PARP16: variants seen among roughly 807,000 people sequenced by gnomAD.
PARP16 encodes poly(ADP-ribose) polymerase family member 16.
Under a neutral mutation model 35.0 loss-of-function variants are expected in PARP16, and 31 were observed. The ratio of observed to expected loss-of-function variants is 0.88; its 90% CI spans 0.66 to 1.19. The LOEUF (loss-of-function observed/expected upper bound fraction) is 1.19. PARP16 is among the 50% of genes most tolerant of loss of function. The pLI is 0.00. For missense variants in PARP16, 424 were observed against 411.2 expected (o/e 1.03, Z -0.27); for synonymous variants, 162 against 169.5 (o/e 0.96, Z 0.34).
chr15:65,256,826 C>A (rs927314750), downstream of PARP16, among the ~76,000 whole-genome samples: 11 of 152,220 alleles, frequency 7.2e-5, no homozygotes, highest in African/African-American at 2.7e-4. Flanking sequence ...AACTTCAGGT[C>A]TTTGCATGTG....
intron 2 of PARP16, among the ~76,000 whole-genome samples, chr15:65,270,721 T>C (rs968377653): frequency 6.6e-6 from 1 of 152,116 alleles, no homozygotes; most frequent in African/African-American, 2.4e-5. Context: ...ACAGCTGAGA[T>C]GAGACAGAAT....
Position 65,286,360 on chromosome 15 carries a change from G to T in PARP16, c.67C>A (p.Arg23=), listed in dbSNP as rs2090596020. The change falls in exon 1 of 6, where the codon CGG becomes AGG. Residue 23 remains arginine, a synonymous_variant. Coordinates refer to ENST00000649807, the MANE Select transcript of PARP16 (RefSeq NM_001316943.2). The stretch of plus-strand genomic sequence containing the variant: ...AGGGCCGAGGCGAAGAGGCTGCACC[G>T]GAGGTCGGCGGCCAGCATGTCGCGG... The part of the protein sequence containing the change: ...AGRDMLAADL[R]CSLFASALQS... 3.2e-6 allele frequency: 5 copies of T among 1,582,154 alleles called. No homozygotes were observed. The highest frequency in any genetic ancestry group is 4.3e-6 in the Non-Finnish European group (5 of 1,166,656).
chr15:65,283,442 T>A (rs1485600021), intron 1 of PARP16, among the ~76,000 whole-genome samples: 1 of 152,206 alleles, frequency 6.6e-6, no homozygotes, highest in African/African-American at 2.4e-5. Flanking sequence ...AGGGCATGTG[T>A]AGCCTTGCAT....
At chr15:65,269,035 G>C (rs72729102) in intron 2 of PARP16, among the ~76,000 whole-genome samples, 1 of 151,898 alleles carries the variant, frequency 6.6e-6, no homozygotes, top group African/African-American at 2.4e-5. Flanking sequence ...AATTACAGGC[G>C]TGAGCTTGTA....
chr15:65,245,478 T>C (rs1008710531), intron 3 of PARP16, among the ~76,000 whole-genome samples: 1 of 152,208 alleles, frequency 6.6e-6, no homozygotes, highest in Non-Finnish European at 1.5e-5. Context: ...AAGCTGGATA[T>C]GGGACAGTTA....
In PARP16 at chr15:65,235,665, C is replaced by T. The variant is rs999428400; in HGVS notation, c.*98-842G>A. Among the ~76,000 whole-genome samples, 258 of 149,234 alleles carry T rather than the reference C, an allele frequency of 1.7e-3. 1 individual carries two copies. The highest frequency in any genetic ancestry group is 6.2e-3 in the African/African-American group (251 of 40,796). On this transcript the variant is annotated intron_variant and NMD_transcript_variant, in intron 3 of 3. Transcript: ENST00000559805. ...AAAAAAAAAAAAAAAAAAAATTAGCCGGGCATGGTGGTACATGCCTGTAGT... is the reference window on the plus strand; with the variant it reads ...AAAAAAAAAAAAAAAAAAAATTAGCTGGGCATGGTGGTACATGCCTGTAGT...
intron 1 of PARP16, among the ~76,000 whole-genome samples, chr15:65,274,995 A>G (rs11857485): frequency 0.044 from 6,761 of 152,002 alleles, 367 homozygotes; most frequent in African/African-American, 0.13. Context: ...AGGCACCTGA[A>G]TCCCAGCTAC....
downstream of PARP16, among the ~76,000 whole-genome samples, chr15:65,253,431 C>T (rs1405562605): frequency 1.2e-4 from 18 of 150,456 alleles, no homozygotes; most frequent in South Asian, 4.2e-4. Context: ...CCCGGGTTCA[C>T]GCCATTCTCC....
At chr15:65,233,177 G>C (rs894759045), downstream of PARP16, among the ~76,000 whole-genome samples, 3 of 152,176 alleles carry the variant, frequency 2.0e-5, no homozygotes, top group Non-Finnish European at 4.4e-5. Flanking sequence ...ACTTTGGGAG[G>C]CCGAGGTGGG....
intron 3 of PARP16, among the ~76,000 whole-genome samples, chr15:65,265,604 A>T (rs887071546): frequency 3.9e-5 from 6 of 152,180 alleles, no homozygotes; most frequent in Non-Finnish European, 8.8e-5. Flanking sequence ...CATATCCCTC[A>T]GTTTCTCCAA....
chr15:65,259,313 G>T lies in PARP16; in HGVS notation c.*94C>A. ...CCTGTGGTCCCCCAACTGGCCCCTAGGCTCAACCTGGCTGGACATGAGGCA... is the reference window on the plus strand; with the variant it reads ...CCTGTGGTCCCCCAACTGGCCCCTATGCTCAACCTGGCTGGACATGAGGCA... On this transcript the variant is annotated 3_prime_UTR_variant, in exon 6 of 6. Coordinates refer to ENST00000649807, the MANE Select transcript of PARP16 (RefSeq NM_001316943.2). 7.6e-7 allele frequency: 1 copy of T among 1,319,370 alleles called. No individual in the cohort carries two copies. The highest frequency in any genetic ancestry group is 1.1e-6 in the Non-Finnish European group (1 of 929,528). 81.7% of individuals were successfully genotyped at this position (1,319,370 alleles called of 1,614,324 possible).
intron 4 of PARP16, among the ~76,000 whole-genome samples, chr15:65,262,343 G>C (rs1263292316): frequency 6.6e-6 from 1 of 152,090 alleles, no homozygotes; most frequent in African/African-American, 2.4e-5. Context: ...CGTTGGCCAG[G>C]TTGGTCACAA....
chr15:65,250,054 T>A (rs985257707), intron 2 of PARP16, among the ~76,000 whole-genome samples: 7 of 150,476 alleles, frequency 4.7e-5, no homozygotes, highest in African/African-American at 1.7e-4. Context: ...GCCACCAGCC[T>A]AGGTCTTCTT....
At chr15:65,232,189 G>A (rs933139848), downstream of PARP16, among the ~76,000 whole-genome samples, 2 of 152,114 alleles carry the variant, frequency 1.3e-5, no homozygotes, top group African/African-American at 2.4e-5. Context: ...AATTAAGATA[G>A]GCATTTTTCT....
chr15:65,265,824 C>T (rs1425960335), intron 3 of PARP16, among the ~76,000 whole-genome samples: 1 of 152,224 alleles, frequency 6.6e-6, no homozygotes, highest in African/African-American at 2.4e-5. Flanking sequence ...AGTGGGATCA[C>T]CTGGAGAGCT....
rs767221329 is a variant in PARP16, at chr15:65,260,960, T to C, written c.758A>G (p.Lys253Arg). The change falls in exon 5 of 6, where the codon AAG becomes AGG. Residue 253 changes from lysine (K) to arginine (R), a missense_variant. Transcript: ENST00000649807. Reference sequence around the variant, plus strand: ...CTGGTTATTGGTGACCACGAAGTACTTGGGAGGGATGTCTCCCCCTTCACT... The same window carrying C: ...CTGGTTATTGGTGACCACGAAGTACCTGGGAGGGATGTCTCCCCCTTCACT... The part of the protein sequence containing the change: ...KHSEGGDIPP[K>R]YFVVTNNQLL... The C allele has an allele frequency of 1.2e-5, 19 of 1,613,824 alleles. No homozygotes were observed. The highest frequency in any genetic ancestry group is 3.3e-5 in the South Asian group (3 of 91,078).
chr15:65,266,897 T>C (rs981706630), intron 2 of PARP16, 129 bp from the exon 3 acceptor site: 3 of 679,556 alleles, frequency 4.4e-6, no homozygotes, highest in Non-Finnish European at 7.7e-6. Flanking sequence ...TTCATGAGGA[T>C]AGAGACATAA....
chr15:65,273,710 C>T (rs930027019), intron 1 of PARP16, among the ~76,000 whole-genome samples: 1 of 151,918 alleles, frequency 6.6e-6, no homozygotes. Context: ...AACCCCATCT[C>T]TACTAAAGAT....
chr15:65,286,111 A>G lies in PARP16; in HGVS notation c.174+142T>C, dbSNP rs552527238. ...TTCTTAGCTCATGGAAACCTTCCCC[A>G]AGGCAAGGCAAGACCAAGCTGGGAA... On this transcript the variant is annotated intron_variant, in intron 1 of 5. Coordinates refer to ENST00000649807, the MANE Select transcript of PARP16 (RefSeq NM_001316943.2). 2.0e-5 allele frequency: 13 copies of G among 654,244 alleles called. No individual in the cohort carries two copies. The African/African-American group carries it at 2.3e-4, about 12-fold the overall frequency. 40.5% of individuals were successfully genotyped at this position (654,244 alleles called of 1,614,324 possible).
Sources: gnomAD v4.1 joint callset for allele counts (sites outside exome capture counted in the v4.1 genomes callset) on GRCh38, gnomAD v4.1.1 for gene constraint, MANE v1.5 for transcripts, NCBI Gene and HGNC (gene_info 2026-07-23, HGNC 2026-07-21) for gene names.